The following DLEU7 variants were observed in gnomAD, a reference collection of about 807,000 sequenced individuals.
The protein encoded by DLEU7 is leukemia-associated protein 7.
In DLEU7, 17 loss-of-function variants were observed where a neutral mutation model predicts 16.0. That is an observed-to-expected ratio of 1.06 (90% confidence interval 0.73 to 1.59). DLEU7 has a LOEUF of 1.59. Ranked by LOEUF, DLEU7 falls within the 40% of genes most tolerant of loss-of-function variation. DLEU7 has a pLI of 0.00. For missense variants in DLEU7, 308 were observed against 314.9 expected (o/e 0.98, Z 0.17); for synonymous variants, 113 against 139.8 (o/e 0.81, Z 1.35).
intron 1 of DLEU7, among the ~76,000 whole-genome samples, chr13:50,741,894 G>A (rs80355271): frequency 0.043 from 6,553 of 152,214 alleles, 454 homozygotes; most frequent in African/African-American, 0.14. Context: ...CAAATGCACA[G>A]TACGTGCAAA....
At chr13:50,737,036 C>G (rs1052860534) in intron 1 of DLEU7, among the ~76,000 whole-genome samples, 7 of 152,078 alleles carry the variant, frequency 4.6e-5, no homozygotes, top group African/African-American at 1.7e-4. Context: ...AAAAAATTAT[C>G]CAACATTTAA....
At chr13:50,806,556 A>G (rs568547635) in intron 1 of DLEU7, among the ~76,000 whole-genome samples, 17 of 152,078 alleles carry the variant, frequency 1.1e-4, no homozygotes, top group Middle Eastern at 3.4e-3. Flanking sequence ...TCTGACTCAT[A>G]TTAGACAGCT....
At chr13:50,733,834 A>G (rs2137718992) in intron 1 of DLEU7, among the ~76,000 whole-genome samples, 1 of 152,342 alleles carries the variant, frequency 6.6e-6, no homozygotes, top group Non-Finnish European at 1.5e-5. Flanking sequence ...CAACAAACCT[A>G]GGATAGACTC....
intron 1 of DLEU7, among the ~76,000 whole-genome samples, chr13:50,840,417 C>G (rs1877609953): frequency 6.6e-6 from 1 of 152,104 alleles, no homozygotes. Flanking sequence ...AACAGCAAAC[C>G]AAGCAAAATT....
intron 1 of DLEU7, among the ~76,000 whole-genome samples, chr13:50,810,183 T>C (rs868025586): frequency 7.6e-4 from 66 of 86,814 alleles, no homozygotes; most frequent in Admixed American, 1.2e-3. Context: ...AAAGAAATTC[T>C]GGAAAAAAAA....
intron 1 of DLEU7, chr13:50,808,715 G>A (rs1210665839): frequency 6.6e-6 from 1 of 152,104 alleles, no homozygotes; most frequent in Non-Finnish European, 1.5e-5. Flanking sequence ...GGGTGAGTAG[G>A]GGTGGAAAGG....
intron 1 of DLEU7, among the ~76,000 whole-genome samples, chr13:50,765,745 T>A (rs986863681): frequency 6.6e-6 from 1 of 151,720 alleles, no homozygotes; most frequent in Admixed American, 6.6e-5. Flanking sequence ...ACCCCTCACA[T>A]GTGCCAGGCA....
At position 50,748,771 on chromosome 13, in the gene DLEU7, G is replaced by T. The variant is rs182911415; in HGVS notation, c.460-35531C>A. 1.1e-4 allele frequency among the ~76,000 whole-genome samples: 16 copies of T among 152,288 alleles called. No individual in the cohort carries two copies. The East Asian group carries it at 3.1e-3, about 29-fold the overall frequency. Reference sequence around the variant, plus strand: ...AGTGGAAGGAGAAGGAGAAGAAAAAGAAGAGAGAATTGGAGAAAAGAGAGG... The same window carrying T: ...AGTGGAAGGAGAAGGAGAAGAAAAATAAGAGAGAATTGGAGAAAAGAGAGG... On this transcript the variant is annotated intron_variant, in intron 1 of 1. Transcript: ENST00000400393.
chr13:50,781,601 G>T (rs34061816), intron 1 of DLEU7, among the ~76,000 whole-genome samples: 73,697 of 151,870 alleles, frequency 0.49, 19,402 homozygotes, highest in African/African-American at 0.69. Context: ...CACATTTGAT[G>T]GTGACACTCC....
chr13:50,757,058 T>C (rs1004385915), intron 1 of DLEU7, among the ~76,000 whole-genome samples: 1 of 152,202 alleles, frequency 6.6e-6, no homozygotes, highest in Non-Finnish European at 1.5e-5. Context: ...GTTTGGGCAC[T>C]CACAGTATTT....
chr13:50,810,409 T>C (rs943540309), intron 1 of DLEU7, among the ~76,000 whole-genome samples: 4 of 152,106 alleles, frequency 2.6e-5, no homozygotes, highest in Admixed American at 2.6e-4. Context: ...AACAAAACAA[T>C]ATGTTTCTAC....
intron 1 of DLEU7, among the ~76,000 whole-genome samples, chr13:50,811,259 G>A (rs1232535925): frequency 6.6e-6 from 1 of 152,100 alleles, no homozygotes; most frequent in Non-Finnish European, 1.5e-5. Context: ...AGTTTAGGCA[G>A]AAACTGAAAG....
intron 1 of DLEU7, among the ~76,000 whole-genome samples, chr13:50,832,020 T>G (rs959674292): frequency 1.3e-5 from 2 of 152,086 alleles, no homozygotes; most frequent in African/African-American, 4.8e-5. Context: ...AGGAGGAGTC[T>G]CTCTTTTTCT....
chr13:50,713,072 C>G, exon 2 of DLEU7: 2 of 845,558 alleles, frequency 2.4e-6, no homozygotes, highest in Non-Finnish European at 3.8e-6. Flanking sequence ...CAATTGGAGA[C>G]CAATACGAAG....
intron 1 of DLEU7, among the ~76,000 whole-genome samples, chr13:50,783,987 C>G (rs1041390254): frequency 1.3e-5 from 2 of 152,228 alleles, no homozygotes; most frequent in African/African-American, 4.8e-5. Flanking sequence ...AGGTTGCCAA[C>G]CCTTGCTCTT....
At chr13:50,755,995 G>T (rs1304642668) in intron 1 of DLEU7, among the ~76,000 whole-genome samples, 1 of 152,118 alleles carries the variant, frequency 6.6e-6, no homozygotes, top group African/African-American at 2.4e-5. Context: ...TCTGGGTCTA[G>T]CCACCCAGCA....
intron 1 of DLEU7, among the ~76,000 whole-genome samples, chr13:50,743,374 A>C (rs1217158478): frequency 6.6e-6 from 1 of 152,168 alleles, no homozygotes; most frequent in African/African-American, 2.4e-5. Context: ...TACTGTGGGA[A>C]GGACTGTGAG....
intron 1 of DLEU7, among the ~76,000 whole-genome samples, chr13:50,742,519 A>G (rs1874279881): frequency 6.6e-6 from 1 of 152,118 alleles, no homozygotes; most frequent in African/African-American, 2.4e-5. Context: ...AGGAAGCCAC[A>G]CTCAGGGTTC....
At chr13:50,842,137 C>T (rs1024653795) in intron 1 of DLEU7, among the ~76,000 whole-genome samples, 1 of 152,058 alleles carries the variant, frequency 6.6e-6, no homozygotes, top group Admixed American at 6.6e-5. Flanking sequence ...GAAACCCCTA[C>T]GTAGAGAAAC....
Sources: allele counts gnomAD v4.1 joint callset (sites outside exome capture counted in the v4.1 genomes callset), GRCh38; gene constraint gnomAD v4.1.1; transcripts MANE v1.5; gene names NCBI Gene and HGNC (gene_info 2026-07-23, HGNC 2026-07-21).